Variants in CFAP69 observed in about 807,000 individuals in gnomAD.
CFAP69 encodes cilia- and flagella-associated protein 69.
A neutral mutation model predicts 123.0 loss-of-function variants in CFAP69; 92 were observed. The observed-to-expected ratio is 0.75, with a 90% CI of 0.63 to 0.89. The LOEUF (loss-of-function observed/expected upper bound fraction) is 0.89. Ranked by LOEUF, CFAP69 falls within the 40% of genes least tolerant of loss-of-function variation. The pLI, the probability that CFAP69 is intolerant of heterozygous loss-of-function variation, is 0.00. For synonymous variants in CFAP69, 380 were observed against 364.3 expected, an observed-to-expected ratio of 1.04 and a Z score of -0.49; for missense variants, 1,067 against 1,096.9, an observed-to-expected ratio of 0.97 and a Z score of 0.39.
intron 14 of CFAP69, 82 bp from the exon 15 acceptor site, chr7:90,288,152 A>T: frequency 9.0e-7 from 1 of 1,110,544 alleles, no homozygotes; most frequent in Non-Finnish European, 1.3e-6. Flanking sequence ...TAAAAAAGCA[A>T]TATTAGGGGA....
intron 1 of CFAP69, among the ~76,000 whole-genome samples, chr7:90,251,269 G>C (rs1236008133): frequency 1.3e-5 from 2 of 152,140 alleles, no homozygotes; most frequent in African/African-American, 2.4e-5. Context: ...AGAAAGGTGT[G>C]GGGGAGGCTT....
chr7:90,309,426 A>G, intron 22 of CFAP69, 59 bp downstream of exon 22: 1 of 960,208 alleles, frequency 1.0e-6, no homozygotes, highest in South Asian at 1.9e-5. Flanking sequence ...GTGTTTGAAC[A>G]ACTGTGCAAA....
In CFAP69 at chr7:90,307,076, A is replaced by G. The variant is rs763786115; in HGVS notation, c.2441A>G (p.Asn814Ser). Residue 814 changes from asparagine to serine, a missense_variant, in exon 20 of 23, where the codon AAT becomes AGT. Coordinates refer to ENST00000389297, the MANE Select transcript of CFAP69 (RefSeq NM_001039706.3). ...IESQACQDMQ[N>S]EQKVYAKIQA... ...AGCCAAGCATGCCAAGACATGCAAAATGAACAAAAAGTATATGCAAAAGTA... is the reference window on the plus strand; with the variant it reads ...AGCCAAGCATGCCAAGACATGCAAAGTGAACAAAAAGTATATGCAAAAGTA... 2 of 1,611,138 alleles carry G rather than the reference A, an allele frequency of 1.2e-6. No homozygotes were observed. The highest frequency in any genetic ancestry group is 1.7e-5 in the Admixed American group (1 of 59,040).
intron 15 of CFAP69, among the ~76,000 whole-genome samples, chr7:90,291,941 C>G (rs1429129725): frequency 6.6e-6 from 1 of 152,116 alleles, no homozygotes; most frequent in Non-Finnish European, 1.5e-5. Context: ...CTGGTTGGTT[C>G]CCAGGAATGA....
At chr7:90,278,847 C>T (rs1474104995) in intron 11 of CFAP69, among the ~76,000 whole-genome samples, 2 of 151,978 alleles carry the variant, frequency 1.3e-5, no homozygotes, top group African/African-American at 2.4e-5. Context: ...AGTAGTTATT[C>T]CTGTTTTCTC....
At chr7:90,246,057 T>A (rs1483272299) in intron 1 of CFAP69, among the ~76,000 whole-genome samples, 6 of 152,232 alleles carry the variant, frequency 3.9e-5, no homozygotes, top group Non-Finnish European at 8.8e-5. Flanking sequence ...TAAGCATTTT[T>A]AAAATATGAA....
Position 90,304,049 on chromosome 7 carries a change from G to A in CFAP69, c.2131G>A (p.Val711Ile). ...GCCTGCTAACTGCCCATCTATTGCGGTTATGGATGTTTCTGAGAATATTAG... is the reference window on the plus strand; with the variant it reads ...GCCTGCTAACTGCCCATCTATTGCGATTATGGATGTTTCTGAGAATATTAG... ...PLPANCPSIA[V>I]MDVSENIRAK... Residue 711 changes from valine (V) to isoleucine (I), a missense_variant, in exon 18 of 23, where the codon GTT becomes ATT. Coordinates refer to ENST00000389297, the MANE Select transcript of CFAP69 (RefSeq NM_001039706.3). The A allele has an allele frequency of 1.3e-6, 2 of 1,551,140 alleles. No individual in the cohort carries two copies. Among genetic ancestry groups the A allele is most frequent in the South Asian group, 1.2e-5 (1 of 84,006 alleles).
chr7:90,294,055 G>A (rs1293274139), intron 15 of CFAP69, among the ~76,000 whole-genome samples: 1 of 152,056 alleles, frequency 6.6e-6, no homozygotes, highest in South Asian at 2.1e-4. Context: ...TTTTACTTTA[G>A]GACAAGAATC....
chr7:90,283,148 C>A, intron 13 of CFAP69, 92 bp downstream of exon 13: 1 of 925,074 alleles, frequency 1.1e-6, no homozygotes, highest in Non-Finnish European at 1.5e-6. Context: ...TTTATTTTGT[C>A]TTTATGACTG....
chr7:90,258,274 A>T lies in CFAP69; in HGVS notation c.246+111A>T, dbSNP rs1797891183. The stretch of plus-strand genomic sequence containing the variant: ...GTTGTAACAAATTACCATAAATTTG[A>T]TGGCTTAAAACAACATAAAGTTATT... On this transcript the variant is annotated intron_variant, in intron 3 of 22. Transcript: ENST00000389297. The T allele has an allele frequency of 5.3e-6, 4 of 756,828 alleles. No homozygotes were observed. The African/African-American group carries it at 5.4e-5, about 10-fold the overall frequency. The allele number at this position is 756,828 out of a possible 1,614,324, so 46.9% of individuals were successfully genotyped here. A position where few individuals can be genotyped will look rare whatever the true frequency, so the allele number is the denominator to read the frequency against.
At chr7:90,256,393 T>C (rs1429704627) in intron 2 of CFAP69, among the ~76,000 whole-genome samples, 1 of 151,918 alleles carries the variant, frequency 6.6e-6, no homozygotes, top group South Asian at 2.1e-4. Context: ...TGGGGGACTA[T>C]GGGAAGGATA....
rs748686894 is a variant in CFAP69, at chr7:90,310,078, G to T, written c.2666G>T (p.Gly889Val). The change falls in exon 23 of 23, where the codon GGT (glycine) becomes GTT (valine). Residue 889 changes from glycine to valine, a missense_variant. Coordinates refer to ENST00000389297, the MANE Select transcript of CFAP69 (RefSeq NM_001039706.3). ...IKGLNTTVPS[G>V]GVVTVESTPA... ...CTTTTGCCTTTTTAGGTGCCCTCTG[G>T]TGGAGTAGTAACAGTGGAAAGCACT... 1.2e-6 allele frequency: 2 copies of T among 1,608,466 alleles called. No individual in the cohort carries two copies.
Position 90,255,410 on chromosome 7 carries a change from G to T in CFAP69, c.121-13G>T, listed in dbSNP as rs1355433432. ...AAGATGATCTAGAATAGTAAGAGTT[G>T]TATGTTTTTTAGGATGTTTTCAAGC... On this transcript the variant is annotated splice_polypyrimidine_tract_variant and intron_variant, in intron 1 of 22. Transcript: ENST00000389297. 1.2e-6 allele frequency: 2 copies of T among 1,605,252 alleles called. No individual in the cohort carries two copies. The highest frequency in any genetic ancestry group is 1.7e-6 in the Non-Finnish European group (2 of 1,172,940).
intron 12 of CFAP69, among the ~76,000 whole-genome samples, chr7:90,280,290 T>C (rs2117045334): frequency 6.6e-6 from 1 of 152,318 alleles, no homozygotes; most frequent in East Asian, 1.9e-4. Flanking sequence ...CTCAACCTCC[T>C]GGGCTCTAGC....
Position 90,310,997 on chromosome 7 carries a change from G to A in CFAP69, c.*759G>A, listed in dbSNP as rs112243014. 2 of 151,646 alleles carry A rather than the reference G, an allele frequency of 1.3e-5. No homozygotes were observed. The highest frequency in any genetic ancestry group is 4.8e-5 in the African/African-American group (2 of 41,322). The allele number at this position is 151,646 out of a possible 1,614,324, so 9.4% of individuals were successfully genotyped here. A position where few individuals can be genotyped will look rare whatever the true frequency, so the allele number is the denominator to read the frequency against. ...AGCAAATGTTAGTCATGAGCCAAAT[G>A]GTAAAAAAGAAAAAAAAATGCAGCT... is the stretch of plus-strand genomic sequence containing the variant. On this transcript the variant is annotated 3_prime_UTR_variant, in exon 23 of 23. Transcript: ENST00000389297.
downstream of CFAP69, among the ~76,000 whole-genome samples, chr7:90,313,970 C>T (rs17866068): frequency 0.015 from 2,300 of 152,278 alleles, 77 homozygotes; most frequent in African/African-American, 0.053. Flanking sequence ...TGACATGTGC[C>T]TTTGATATGA....
chr7:90,306,144 G>T (rs1793560119), intron 19 of CFAP69, among the ~76,000 whole-genome samples: 1 of 151,552 alleles, frequency 6.6e-6, no homozygotes, highest in Non-Finnish European at 1.5e-5. Context: ...TAGAGACAAG[G>T]TCTCACTGTG....
At chr7:90,287,841 C>T in intron 14 of CFAP69, 3 of 756,704 alleles carry the variant, frequency 4.0e-6, no homozygotes, top group South Asian at 6.0e-5. Context: ...CTCTCGGGGT[C>T]ATTAGAAAAT....
At chr7:90,269,799 AAGTCAG>A (rs1463668036) in intron 6 of CFAP69, among the ~76,000 whole-genome samples, 2 of 152,128 alleles carry the variant, frequency 1.3e-5, no homozygotes, top group Non-Finnish European at 2.9e-5. Context: ...AGCTAGTGCA[AAGTCAG>A]AGAAAGGTTA....
Sources: gnomAD v4.1 joint callset for allele counts (sites outside exome capture counted in the v4.1 genomes callset) on GRCh38, gnomAD v4.1.1 for gene constraint, MANE v1.5 for transcripts, NCBI Gene and HGNC (gene_info 2026-07-23, HGNC 2026-07-21) for gene names.